Variants in NIBAN1 observed in about 807,000 individuals in gnomAD.
NIBAN1 encodes the protein niban apoptosis regulator 1.
A neutral mutation model predicts 75.1 loss-of-function variants in NIBAN1; 81 were observed. The ratio of observed to expected loss-of-function variants is 1.08; its 90% CI spans 0.90 to 1.30. The LOEUF is 1.30. NIBAN1 is among the 50% of genes most tolerant of loss of function. The probability of loss-of-function intolerance (pLI) is 0.00; values close to 1 mark genes in which losing one functional copy is unlikely to be tolerated. For synonymous variants in NIBAN1, 436 were observed against 424.8 expected (o/e 1.03, Z -0.32); for missense variants, 1,133 against 1,128.1 (o/e 1.00, Z -0.06).
At chr1:184,832,089 A>T in intron 5 of NIBAN1, 127 bp from the exon 6 acceptor site, 1 of 685,366 alleles carries the variant, frequency 1.5e-6, no homozygotes, top group Admixed American at 2.7e-5. Flanking sequence ...TATAAGACAC[A>T]GAGAAAGTTA....
intron 1 of NIBAN1, among the ~76,000 whole-genome samples, chr1:184,934,101 AATGT>A (rs1396640846): frequency 1.3e-5 from 2 of 152,244 alleles, no homozygotes; most frequent in Non-Finnish European, 2.9e-5. Context: ...GATTGGATAA[AATGT>A]GGTACATATA....
At chr1:184,873,535 C>G (rs1571537167) in intron 5 of NIBAN1, among the ~76,000 whole-genome samples, 1 of 152,298 alleles carries the variant, frequency 6.6e-6, no homozygotes. Flanking sequence ...GTTAAGGAGT[C>G]AATGCCAAGA....
chr1:184,853,738 C>T (rs1419795336), intron 5 of NIBAN1, among the ~76,000 whole-genome samples: 1 of 152,026 alleles, frequency 6.6e-6, no homozygotes, highest in East Asian at 1.9e-4. Flanking sequence ...CACAAAAATA[C>T]ACATATACAC....
In NIBAN1 at chr1:184,795,303, T is replaced by C. The variant is rs764413041; in HGVS notation, c.2461A>G (p.Thr821Ala). 1 of 1,612,508 alleles carries C rather than the reference T, an allele frequency of 6.2e-7. No individual in the cohort carries two copies. The highest frequency in any genetic ancestry group is 1.7e-5 in the Admixed American group (1 of 60,020). ...CCTCTTCCTTCATGGGCAGTGAGTG[T>C]GCAGGCCTCTCCTGGGAGCTCCCCC... The part of the protein sequence containing the change: ...MEGELPGEAC[T>A]LTAHEGRGGK... The change falls in exon 14 of 14, where the codon ACA becomes GCA. Residue 821 changes from threonine to alanine, a missense_variant. Coordinates refer to ENST00000367511, the MANE Select transcript of NIBAN1 (RefSeq NM_052966.4).
At chr1:184,850,714 T>A (rs1655519286) in intron 5 of NIBAN1, among the ~76,000 whole-genome samples, 1 of 22,016 alleles carries the variant, frequency 4.5e-5, no homozygotes, top group Non-Finnish European at 7.7e-5. Context: ...GGGAGAAAAT[T>A]TTCACAACCT....
At chr1:184,951,518 T>A (rs1010762007) in intron 1 of NIBAN1, among the ~76,000 whole-genome samples, 1 of 152,128 alleles carries the variant, frequency 6.6e-6, no homozygotes, top group African/African-American at 2.4e-5. Context: ...TTGAAGCCAC[T>A]TTTTTTCCCC....
At chr1:184,917,704 C>A (rs866068573) in intron 1 of NIBAN1, among the ~76,000 whole-genome samples, 2 of 143,598 alleles carry the variant, frequency 1.4e-5, no homozygotes, top group African/African-American at 2.5e-5. Flanking sequence ...AAAAGGAAGA[C>A]CCCCCCAATA....
intron 5 of NIBAN1, among the ~76,000 whole-genome samples, chr1:184,842,189 C>T (rs996556261): frequency 6.6e-6 from 1 of 152,194 alleles, no homozygotes; most frequent in Admixed American, 6.5e-5. Context: ...ATTGCCTTCC[C>T]TACTGTTGTA....
chr1:184,914,263 G>A (rs1256955261), intron 1 of NIBAN1, among the ~76,000 whole-genome samples: 1 of 152,218 alleles, frequency 6.6e-6, no homozygotes, highest in African/African-American at 2.4e-5. Context: ...TTTTGCAGAT[G>A]TGGAAGCCAT....
At chr1:184,918,539 A>G (rs1034784151) in intron 1 of NIBAN1, among the ~76,000 whole-genome samples, 1 of 152,194 alleles carries the variant, frequency 6.6e-6, no homozygotes, top group Non-Finnish European at 1.5e-5. Context: ...GGTTAAGCAT[A>G]GCACATTATA....
At chr1:184,946,775 A>G (rs1450607649) in intron 1 of NIBAN1, among the ~76,000 whole-genome samples, 1 of 152,328 alleles carries the variant, frequency 6.6e-6, no homozygotes, top group East Asian at 1.9e-4. Context: ...GAACAACAGG[A>G]AGAAAAAGCT....
chr1:184,813,343 C>T (rs192350191), intron 9 of NIBAN1, among the ~76,000 whole-genome samples: 1 of 152,216 alleles, frequency 6.6e-6, no homozygotes, highest in East Asian at 1.9e-4. Context: ...AGTTCATTAA[C>T]TTCAGTAATT....
At chr1:184,816,838 G>A (rs1374048595) in intron 9 of NIBAN1, among the ~76,000 whole-genome samples, 1 of 148,988 alleles carries the variant, frequency 6.7e-6, no homozygotes, top group Non-Finnish European at 1.5e-5. Context: ...TCTCAAAATT[G>A]AGAAAATGAC....
chr1:184,919,973 G>A (rs1456406781), intron 1 of NIBAN1, among the ~76,000 whole-genome samples: 1 of 151,880 alleles, frequency 6.6e-6, no homozygotes, highest in East Asian at 1.9e-4. Context: ...ATTACCCAGG[G>A]ATAGAAAGAA....
Position 184,794,634 on chromosome 1 carries a change from G to GAAA in NIBAN1, c.*340_*342dup, listed in dbSNP as rs1368880286. The GAAA allele has an allele frequency of 2.6e-6, 1 of 382,020 alleles. No individual in the cohort carries two copies. Among genetic ancestry groups the GAAA allele is most frequent in the Non-Finnish European group, 4.9e-6 (1 of 204,140 alleles). The allele number at this position is 382,020 out of a possible 1,614,324, so 23.7% of individuals were successfully genotyped here. A position where few individuals can be genotyped will look rare whatever the true frequency, so the allele number is the denominator to read the frequency against. ...AAGTGCACAAGAAGATTGCACAATT[G>GAAA]AAAAGTGCAGAGTATACTCAAAACT... is the stretch of plus-strand genomic sequence containing the variant. On this transcript the variant is annotated 3_prime_UTR_variant, in exon 14 of 14. Transcript: ENST00000367511.
chr1:184,837,362 T>C lies in NIBAN1; in HGVS notation c.602-5400A>G, dbSNP rs1026553569. 2.6e-5 allele frequency among the ~76,000 whole-genome samples: 4 copies of C among 152,114 alleles called. No individual in the cohort carries two copies. In the South Asian group the frequency reaches 8.3e-4, roughly 32 times the overall value. On this transcript the variant is annotated intron_variant, in intron 5 of 13. Transcript: ENST00000367511. ...TATGAGAAGGCCTAGGGAGACAGAG[T>C]GCTGGGGAGTAACTTAGACATCACT...
chr1:184,884,658 AC>A lies in NIBAN1; in HGVS notation c.575del (p.Ser192MetfsTer12). On this transcript the variant is annotated frameshift_variant, in exon 5 of 14. Coordinates refer to ENST00000367511, the MANE Select transcript of NIBAN1 (RefSeq NM_052966.4). LOFTEE classifies it high-confidence loss of function. ...CATGATTGAGATGCCTGACGCAGTC[AC>A]TCAGGAGGGCACTAAACCTCTTCTG... ...ADQKRFSALL[S>X]DCVRHLNHDY... The A allele has an allele frequency of 6.2e-7, 1 of 1,614,138 alleles. No individual in the cohort carries two copies. The highest frequency in any genetic ancestry group is 8.5e-7 in the Non-Finnish European group (1 of 1,180,000).
chr1:184,858,371 G>C (rs906552816), intron 5 of NIBAN1, among the ~76,000 whole-genome samples: 2 of 152,084 alleles, frequency 1.3e-5, no homozygotes, highest in African/African-American at 4.8e-5. Flanking sequence ...ATAAATGAAT[G>C]AAAATGAAAA....
chr1:184,970,922 G>C (rs1249179109), intron 1 of NIBAN1, among the ~76,000 whole-genome samples: 1 of 152,108 alleles, frequency 6.6e-6, no homozygotes, highest in Non-Finnish European at 1.5e-5. Flanking sequence ...ACACAGTGTG[G>C]GGGGTTTTTT....
Sources: gnomAD v4.1 joint callset for allele counts (sites outside exome capture counted in the v4.1 genomes callset) on GRCh38, gnomAD v4.1.1 for gene constraint, MANE v1.5 for transcripts, NCBI Gene and HGNC (gene_info 2026-07-23, HGNC 2026-07-21) for gene names.